BBX: variants seen among roughly 807,000 people sequenced by gnomAD.
BBX encodes the protein HMG box transcription factor BBX.
A neutral mutation model predicts 100.2 loss-of-function variants in BBX; 30 were observed. The observed-to-expected ratio is 0.30, with a 90% CI of 0.22 to 0.41. The LOEUF is 0.41. Among genes scored for constraint, BBX ranks in the 10% least tolerant of loss-of-function variants. The pLI, the probability that BBX is intolerant of heterozygous loss-of-function variation, is 1.00. For missense variants in BBX, 1,023 were observed against 1,129.8 expected (o/e 0.91, Z 1.35); for synonymous variants, 376 against 388.1 (o/e 0.97, Z 0.37).
Position 107,638,780 on chromosome 3 carries a change from T to TACAC in BBX, c.-83-7006_-83-7003dup, listed in dbSNP as rs61081300. Among the ~76,000 whole-genome samples the TACAC allele has an allele frequency of 7.5e-3, 745 of 99,788 alleles. 16 individuals are homozygous for TACAC. Among genetic ancestry groups the TACAC allele is most frequent in the Middle Eastern group, 0.016 (3 of 186 alleles). The allele number at this position is 99,788 out of a possible 152,430, so 65.5% of individuals were successfully genotyped here. On this transcript the variant is annotated intron_variant, in intron 2 of 17. Coordinates refer to ENST00000325805, the MANE Select transcript of BBX (RefSeq NM_001142568.3). The stretch of plus-strand genomic sequence containing the variant: ...TACCAAAAAAAAAAAAAAAAAAGTA[T>TACAC]ACACACACACACACACACACACACA...
chr3:107,565,443 T>TTTTATTTA (rs80145598), intron 2 of BBX, among the ~76,000 whole-genome samples: 40,247 of 136,426 alleles, frequency 0.3, 6,056 homozygotes, highest in Middle Eastern at 0.45. Context: ...AATAGTTTTA[T>TTTTATTTA]TTTATTTATT....
chr3:107,586,424 T>C (rs931158873), intron 2 of BBX, among the ~76,000 whole-genome samples: 1 of 152,212 alleles, frequency 6.6e-6, no homozygotes, highest in Non-Finnish European at 1.5e-5. Flanking sequence ...AATGGACATA[T>C]CAGGGGTCAC....
chr3:107,635,823 T>G (rs1440865134), intron 2 of BBX, among the ~76,000 whole-genome samples: 1 of 151,852 alleles, frequency 6.6e-6, no homozygotes, highest in African/African-American at 2.4e-5. Flanking sequence ...GCGATTCTCC[T>G]GCCTCAGCCT....
intron 2 of BBX, among the ~76,000 whole-genome samples, chr3:107,568,266 T>A (rs1309937269): frequency 4.8e-5 from 1 of 20,936 alleles, no homozygotes; most frequent in South Asian, 1.2e-3. Context: ...TTTTCTGCTA[T>A]TTTTTTTTTT....
At chr3:107,769,203 T>C (rs570787458) in intron 10 of BBX, among the ~76,000 whole-genome samples, 42 of 136,758 alleles carry the variant, frequency 3.1e-4, no homozygotes, top group East Asian at 1.6e-3. Context: ...GATAGATAGA[T>C]AGATAGATAG....
chr3:107,594,223 C>G (rs1295880891), intron 2 of BBX, among the ~76,000 whole-genome samples: 1 of 152,146 alleles, frequency 6.6e-6, no homozygotes, highest in Non-Finnish European at 1.5e-5. Flanking sequence ...TTTCCTCCCC[C>G]TGTCTAGTAG....
At chr3:107,652,743 T>A (rs1248759173) in intron 3 of BBX, among the ~76,000 whole-genome samples, 11 of 152,194 alleles carry the variant, frequency 7.2e-5, no homozygotes, top group African/African-American at 2.7e-4. Context: ...CCTAGGAAAA[T>A]AAATGGATCT....
chr3:107,712,432 A>G (rs1360858450), intron 4 of BBX, among the ~76,000 whole-genome samples: 1 of 152,170 alleles, frequency 6.6e-6, no homozygotes, highest in African/African-American at 2.4e-5. Context: ...CTTCTCCTGC[A>G]TCTTCCCTTT....
At chr3:107,788,314 C>A (rs1477054351) in intron 13 of BBX, among the ~76,000 whole-genome samples, 1 of 152,036 alleles carries the variant, frequency 6.6e-6, no homozygotes, top group Non-Finnish European at 1.5e-5. Context: ...ATCCTAGAAG[C>A]CCAATGAAGG....
rs2057393523 is a variant in BBX at position 107,644,263 on chromosome 3, C to G, written c.-83-1573C>G. 7.2e-5 allele frequency among the ~76,000 whole-genome samples: 11 copies of G among 152,114 alleles called. No individual in the cohort carries two copies. In the South Asian group the frequency reaches 2.3e-3, roughly 32 times the overall value. On this transcript the variant is annotated intron_variant, in intron 2 of 17. Transcript: ENST00000325805. ...TTATTTCTCAGATAGCATATATTCACTTCTTAAAGAGAAAATCCTTAAATC... is the reference window on the plus strand; with the variant it reads ...TTATTTCTCAGATAGCATATATTCAGTTCTTAAAGAGAAAATCCTTAAATC...
chr3:107,582,187 G>A lies in BBX; in HGVS notation c.-84+55789G>A, dbSNP rs185847984. Among the ~76,000 whole-genome samples, 16 of 151,718 alleles carry A rather than the reference G, an allele frequency of 1.1e-4. No individual in the cohort carries two copies. The East Asian group carries it at 2.5e-3, about 24-fold the overall frequency. Reference sequence around the variant, plus strand: ...ATTGTTAAAGTACTTTCTATAGGTAGCAAATATTAAGCAAAATAATATTAT... The same window carrying A: ...ATTGTTAAAGTACTTTCTATAGGTAACAAATATTAAGCAAAATAATATTAT... On this transcript the variant is annotated intron_variant, in intron 2 of 17. Transcript: ENST00000325805.
intron 3 of BBX, among the ~76,000 whole-genome samples, chr3:107,710,024 G>C (rs866854904): frequency 9.9e-5 from 15 of 152,206 alleles, no homozygotes; most frequent in Non-Finnish European, 1.5e-4. Context: ...AGAATGCCTG[G>C]GGGGCAAGCC....
rs187469571 is a variant in BBX, at chr3:107,555,651, G to A, written c.-84+29253G>A. On this transcript the variant is annotated intron_variant, in intron 2 of 17. Transcript: ENST00000325805. ...AGATGTGAGTTAAAGAAGCCCCAAG[G>A]AAAGGCATCTGTAACACTGCTGGGA... Among the ~76,000 whole-genome samples, 64 of 152,308 alleles carry A rather than the reference G, an allele frequency of 4.2e-4. 1 individual carries two copies. The highest frequency in any genetic ancestry group is 1.3e-4 in the Non-Finnish European group (9 of 68,036).
chr3:107,645,194 G>A (rs2057444089), intron 2 of BBX, among the ~76,000 whole-genome samples: 1 of 151,990 alleles, frequency 6.6e-6, no homozygotes, highest in Admixed American at 6.6e-5. Flanking sequence ...ATGGTTTAGG[G>A]ATATATATTT....
intron 3 of BBX, among the ~76,000 whole-genome samples, chr3:107,672,646 G>C (rs909201731): frequency 2.0e-5 from 3 of 151,974 alleles, no homozygotes; most frequent in Non-Finnish European, 4.4e-5. Context: ...AAGTAGAAGA[G>C]TCCATTGGAG....
intron 2 of BBX, among the ~76,000 whole-genome samples, chr3:107,634,670 T>A (rs17810742): frequency 8.1e-4 from 123 of 152,328 alleles, no homozygotes; most frequent in Non-Finnish European, 1.5e-3. Context: ...CTATTCCTGT[T>A]ACTGTTCACC....
chr3:107,615,717 ACTATGTTT>A (rs1233324034), intron 2 of BBX, among the ~76,000 whole-genome samples: 2 of 152,182 alleles, frequency 1.3e-5, no homozygotes, highest in African/African-American at 4.8e-5. Flanking sequence ...AGGGGAAAAT[ACTATGTTT>A]CAATGATCGA....
At chr3:107,606,608 G>T (rs2054463362) in intron 2 of BBX, among the ~76,000 whole-genome samples, 1 of 151,828 alleles carries the variant, frequency 6.6e-6, no homozygotes, top group Non-Finnish European at 1.5e-5. Flanking sequence ...ATTAATATTG[G>T]TTATATTTTT....
chr3:107,644,016 A>G (rs1386688372), intron 2 of BBX, among the ~76,000 whole-genome samples: 3 of 152,162 alleles, frequency 2.0e-5, no homozygotes, highest in East Asian at 1.9e-4. Context: ...AGCATAGCCA[A>G]TCTCCTCTCT....
Sources: gnomAD v4.1 joint callset for allele counts (sites outside exome capture counted in the v4.1 genomes callset) on GRCh38, gnomAD v4.1.1 for gene constraint, MANE v1.5 for transcripts, NCBI Gene and HGNC (gene_info 2026-07-23, HGNC 2026-07-21) for gene names.